The following TRUB1 variants were observed in gnomAD, a reference collection of about 807,000 sequenced individuals.
TRUB1 encodes the protein TruB pseudouridine synthase family member 1.
In TRUB1, 23 loss-of-function variants were observed where a neutral mutation model predicts 33.9. The ratio of observed to expected loss-of-function variants is 0.68; its 90% CI spans 0.49 to 0.96. The LOEUF (loss-of-function observed/expected upper bound fraction) is 0.96. Ranked by LOEUF, TRUB1 falls within the 40% of genes least tolerant of loss-of-function variation. The pLI is 0.00. For missense variants in TRUB1, 378 were observed against 422.2 expected, an observed-to-expected ratio of 0.90 and a Z score of 0.92; for synonymous variants, 163 against 165.4, an observed-to-expected ratio of 0.99 and a Z score of 0.11.
At chr10:114,967,655 C>A (rs2084316005) in intron 4 of TRUB1, among the ~76,000 whole-genome samples, 1 of 152,072 alleles carries the variant, frequency 6.6e-6, no homozygotes, top group Admixed American at 6.5e-5. Flanking sequence ...ACACTTGTAC[C>A]TCTTTTACCA....
chr10:114,969,281 A>G (rs2084324387), intron 4 of TRUB1, among the ~76,000 whole-genome samples: 1 of 151,902 alleles, frequency 6.6e-6, no homozygotes, highest in African/African-American at 2.4e-5. Context: ...AAAAATACAA[A>G]AAGTAGGCAT....
At chr10:114,950,949 A>G (rs77895276) in intron 2 of TRUB1, 145 bp from the exon 3 acceptor site, 26,651 of 600,226 alleles carry the variant, frequency 0.044, 722 homozygotes, top group African/African-American at 0.075. Flanking sequence ...GTTTGGAGTA[A>G]TAGGAGCCCT....
intron 2 of TRUB1, among the ~76,000 whole-genome samples, chr10:114,948,174 A>G (rs941715598): frequency 1.3e-5 from 2 of 152,230 alleles, no homozygotes; most frequent in Admixed American, 1.3e-4. Context: ...GCAACAGTGC[A>G]TGGAAAACCC....
At chr10:114,942,607 T>G (rs1357944042) in intron 1 of TRUB1, 38 bp from the exon 2 acceptor site, 1 of 1,391,502 alleles carries the variant, frequency 7.2e-7, no homozygotes, top group Middle Eastern at 1.8e-4. Context: ...TTCATTTGTC[T>G]TGGTGATCAC....
intron 2 of TRUB1, among the ~76,000 whole-genome samples, chr10:114,943,644 G>A (rs376022449): frequency 3.9e-5 from 6 of 152,320 alleles, no homozygotes; most frequent in Admixed American, 1.3e-4. Context: ...AAAGCAGCAC[G>A]CTTGAGCATC....
chr10:114,944,022 T>G (rs2084200900), intron 2 of TRUB1, among the ~76,000 whole-genome samples: 1 of 126,004 alleles, frequency 7.9e-6, no homozygotes, highest in South Asian at 2.2e-4. Context: ...TTTTTTTTTT[T>G]GCACCTGGTA....
At chr10:114,960,971 G>C (rs1410152082) in intron 4 of TRUB1, among the ~76,000 whole-genome samples, 1 of 151,974 alleles carries the variant, frequency 6.6e-6, no homozygotes, top group African/African-American at 2.4e-5. Flanking sequence ...GTAGTCCTGG[G>C]GTAATATAAT....
In TRUB1 at chr10:114,959,728, A is replaced by G; in HGVS notation, c.444A>G (p.Arg148=). ...CTCTCTTGTTTCCCTTCCTCTAGAG[A>G]TATACTGCCATTGGAGAACTGGGGA... ...MLTSMLSGSK[R]YTAIGELGKA... is the part of the protein sequence containing the mutation. The change falls in exon 4 of 8, where the codon AGA becomes AGG. Residue 148 remains arginine (R), a splice_region_variant and synonymous_variant. Transcript: ENST00000298746. 1.2e-6 allele frequency: 2 copies of G among 1,602,590 alleles called. No homozygotes were observed. The highest frequency in any genetic ancestry group is 1.7e-6 in the Non-Finnish European group (2 of 1,169,700).
At chr10:114,942,901 C>A (rs1374389361) in intron 2 of TRUB1, among the ~76,000 whole-genome samples, 158 bp downstream of exon 2, 5 of 152,122 alleles carry the variant, frequency 3.3e-5, no homozygotes, top group Non-Finnish European at 4.4e-5. Context: ...TTTAAAGAAG[C>A]CCTTAAATGG....
chr10:114,949,426 A>G (rs958524348), intron 2 of TRUB1, among the ~76,000 whole-genome samples: 5 of 152,222 alleles, frequency 3.3e-5, no homozygotes, highest in South Asian at 2.1e-4. Context: ...ACCTTGAACT[A>G]TATGACTTAG....
chr10:114,963,403 G>C (rs1464724503), intron 4 of TRUB1, among the ~76,000 whole-genome samples: 1 of 152,190 alleles, frequency 6.6e-6, no homozygotes, highest in Admixed American at 6.5e-5. Flanking sequence ...TTGGACTAGT[G>C]TGTAGCTGGG....
chr10:114,964,835 C>T (rs188227223), intron 4 of TRUB1, among the ~76,000 whole-genome samples: 298 of 152,076 alleles, frequency 2.0e-3, no homozygotes, highest in South Asian at 7.3e-3. Context: ...CTTGTATATA[C>T]ACCAGACTAT....
At chr10:114,958,998 T>C (rs1381577984) in intron 3 of TRUB1, among the ~76,000 whole-genome samples, 1 of 151,932 alleles carries the variant, frequency 6.6e-6, no homozygotes, top group Non-Finnish European at 1.5e-5. Context: ...TAGCCGGGCG[T>C]GGTGGCGGGT....
At chr10:114,954,757 T>C (rs1295924660) in intron 3 of TRUB1, among the ~76,000 whole-genome samples, 1 of 152,222 alleles carries the variant, frequency 6.6e-6, no homozygotes, top group Non-Finnish European at 1.5e-5. Context: ...CATTAAATAC[T>C]GTTATTACTA....
intron 2 of TRUB1, among the ~76,000 whole-genome samples, chr10:114,950,123 C>T (rs1592049565): frequency 6.6e-6 from 1 of 152,146 alleles, no homozygotes; most frequent in African/African-American, 2.4e-5. Flanking sequence ...GTCTTGAACT[C>T]GTGACCTCAG....
At chr10:114,965,223 C>CCAGCCTTA (rs2084302217) in intron 4 of TRUB1, among the ~76,000 whole-genome samples, 1 of 152,004 alleles carries the variant, frequency 6.6e-6, no homozygotes, top group Non-Finnish European at 1.5e-5. Context: ...GCCACCGTGC[C>CCAGCCTTA]CAGCCTTACA....
Position 114,974,353 on chromosome 10 carries a change from A to G in TRUB1, c.761A>G (p.Tyr254Cys). Residue 254 changes from tyrosine to cysteine, a missense_variant, in exon 7 of 8, where the codon TAT becomes TGT. Tyr to Cys is a radical substitution (Grantham distance 194, BLOSUM62 -2). Coordinates refer to ENST00000298746, the MANE Select transcript of TRUB1 (RefSeq NM_139169.5). ...TLDVECGGGF[Y>C]IRSLVSDIGK... ...GATGTTGAATGTGGAGGAGGTTTTT[A>G]TATCAGAAGCTTGGTCAGTGACATT... 2 of 1,613,060 alleles carry G rather than the reference A, an allele frequency of 1.2e-6. No individual in the cohort carries two copies. Among genetic ancestry groups the G allele is most frequent in the Non-Finnish European group, 1.7e-6 (2 of 1,179,294 alleles).
At chr10:114,962,731 G>A (rs986122052) in intron 4 of TRUB1, among the ~76,000 whole-genome samples, 1 of 152,140 alleles carries the variant, frequency 6.6e-6, no homozygotes, top group Non-Finnish European at 1.5e-5. Flanking sequence ...CAGGATGTCT[G>A]CCAGATAGTC....
intron 4 of TRUB1, among the ~76,000 whole-genome samples, chr10:114,963,036 G>T (rs890450444): frequency 6.6e-6 from 1 of 152,236 alleles, no homozygotes; most frequent in African/African-American, 2.4e-5. Context: ...TCTGTTCTCC[G>T]CTGAGCTAAG....
Sources: gnomAD v4.1 joint callset for allele counts (sites outside exome capture counted in the v4.1 genomes callset) on GRCh38, gnomAD v4.1.1 for gene constraint, MANE v1.5 for transcripts, NCBI Gene and HGNC (gene_info 2026-07-23, HGNC 2026-07-21) for gene names.